Variants in KNSTRN observed in about 807,000 individuals in gnomAD.
The protein encoded by KNSTRN is kinetochore localized astrin (SPAG5) binding protein, also known as small kinetochore-associated protein.
KNSTRN carries 38 observed loss-of-function variants against 44.7 expected under a neutral mutation model. The ratio of observed to expected loss-of-function variants is 0.85; its 90% CI spans 0.66 to 1.11. The LOEUF is 1.11. Ranked by LOEUF, KNSTRN falls within the 50% of genes most tolerant of loss-of-function variation. The pLI is 0.00. For missense variants in KNSTRN, 406 were observed against 375.8 expected, an observed-to-expected ratio of 1.08 and a Z score of -0.66; for synonymous variants, 158 against 148.1, an observed-to-expected ratio of 1.07 and a Z score of -0.48.
Position 40,393,658 on chromosome 15 carries a change from G to C in KNSTRN, c.*61G>C, listed in dbSNP as rs1595742013. 6.1e-6 allele frequency: 9 copies of C among 1,481,318 alleles called. No individual in the cohort carries two copies. Among genetic ancestry groups the C allele is most frequent in the Non-Finnish European group, 7.4e-6 (8 of 1,080,092 alleles). 91.8% of individuals were successfully genotyped at this position (1,481,318 alleles called of 1,614,324 possible). ...ATAAAATCTCAGAGGAAGCTACTTAGGACATCATCTTGGCCATGATCTTCT... is the reference window on the plus strand; with the variant it reads ...ATAAAATCTCAGAGGAAGCTACTTACGACATCATCTTGGCCATGATCTTCT... On this transcript the variant is annotated 3_prime_UTR_variant, in exon 9 of 9. Transcript: ENST00000249776.
At position 40,383,296 on chromosome 15, in the gene KNSTRN, C is replaced by G. The variant is rs1247560978; in HGVS notation, c.278C>G (p.Ser93Cys). ...ACAGTGTATAGCCTGCAGCCCCCCT[C>G]TGCGCTGAGCGGCGGCCAGCCGGCA... ...VKTVYSLQPP[S>C]ALSGGQPADT... The change falls in exon 2 of 9, where the codon TCT becomes TGT. Residue 93 changes from serine to cysteine, a missense_variant. Ser to Cys is a moderately radical substitution (Grantham distance 112). Transcript: ENST00000249776. The G allele has an allele frequency of 6.2e-7, 1 of 1,613,106 alleles. No homozygotes were observed. The highest frequency in any genetic ancestry group is 8.5e-7 in the Non-Finnish European group (1 of 1,179,400).
chr15:40,388,361 C>T (rs1889936178), intron 4 of KNSTRN, among the ~76,000 whole-genome samples: 1 of 152,234 alleles, frequency 6.6e-6, no homozygotes, highest in Non-Finnish European at 1.5e-5. Flanking sequence ...GCAGCAGGAA[C>T]ACGCTCTTAA....
chr15:40,382,806 T>G lies in KNSTRN; in HGVS notation c.-30T>G. The G allele has an allele frequency of 1.3e-6, 2 of 1,597,448 alleles. No homozygotes were observed. The highest frequency in any genetic ancestry group is 1.1e-5 in the South Asian group (1 of 89,614). On this transcript the variant is annotated 5_prime_UTR_variant, in exon 1 of 9. Transcript: ENST00000249776. ...TCCAACACCTTTCGCTAGGTCTGGCTCTGGCCTCTGAGCGAACCTTCCGTA... is the reference window on the plus strand; with the variant it reads ...TCCAACACCTTTCGCTAGGTCTGGCGCTGGCCTCTGAGCGAACCTTCCGTA...
intron 2 of KNSTRN, 172 bp downstream of exon 2, chr15:40,383,494 A>G (rs4924462): frequency 0.96 from 558,950 of 584,080 alleles, 267,626 homozygotes; most frequent in East Asian, 1. Context: ...TAAGGGAAGG[A>G]CCATGTGGTA....
In KNSTRN at chr15:40,386,493, G is replaced by A. The variant is rs993049803; in HGVS notation, c.436G>A (p.Gly146Arg). The A allele has an allele frequency of 1.3e-5, 21 of 1,613,456 alleles. No homozygotes were observed. In the African/African-American group the frequency reaches 2.5e-4, roughly 19 times the overall value. Residue 146 changes from glycine (G) to arginine (R), a missense_variant and splice_region_variant, in exon 3 of 9, where the codon GGG becomes AGG. Physicochemically the swap from Gly to Arg is moderately radical, Grantham distance 125. Coordinates refer to ENST00000249776, the MANE Select transcript of KNSTRN (RefSeq NM_033286.4). ...AATCACCAAACTGAGACGAGAGAAT[G>A]GGTGAGAACGGATCATTAGTATCCA... ...TKITKLRREN[G>R]QMKATDTATR...
intron 4 of KNSTRN, among the ~76,000 whole-genome samples, chr15:40,387,504 C>A (rs888534664): frequency 6.6e-6 from 1 of 152,078 alleles, no homozygotes; most frequent in Admixed American, 6.5e-5. Context: ...GAGGGTAAAG[C>A]CTTCAGGAGA....
intron 2 of KNSTRN, chr15:40,384,198 A>C (rs1055515148): frequency 2.1e-5 from 6 of 279,596 alleles, no homozygotes; most frequent in Admixed American, 1.5e-4. Flanking sequence ...ACGGTGAAGC[A>C]CCGTCTCTAC....
intron 2 of KNSTRN, chr15:40,384,510 C>G (rs1034996744): frequency 3.1e-5 from 14 of 455,622 alleles, no homozygotes; most frequent in African/African-American, 1.8e-4. Flanking sequence ...GCTGGAAGAA[C>G]TGGAGCCAGG....
At chr15:40,389,481 C>A (rs1889960692) in intron 4 of KNSTRN, 25 bp from the exon 5 acceptor site, 2 of 1,566,638 alleles carry the variant, frequency 1.3e-6, no homozygotes, top group Non-Finnish European at 1.8e-6. Flanking sequence ...TTTATCTTTT[C>A]ATGTAAGTAC....
Position 40,382,872 on chromosome 15 carries a change from T to G in KNSTRN, c.37T>G (p.Phe13Val), listed in dbSNP as rs777367353. 1 of 1,612,250 alleles carries G rather than the reference T, an allele frequency of 6.2e-7. No individual in the cohort carries two copies. The highest frequency in any genetic ancestry group is 8.5e-7 in the Non-Finnish European group (1 of 1,180,002). ...CGAAGCCCCGCCCCTGGACAGAGTTTTCCGTACAACATGGCTGTCTACAGA... is the reference window on the plus strand; with the variant it reads ...CGAAGCCCCGCCCCTGGACAGAGTTGTCCGTACAACATGGCTGTCTACAGA... ...APEAPPLDRV[F>V]RTTWLSTECD... is the part of the protein sequence containing the mutation. Residue 13 changes from phenylalanine (F) to valine (V), a missense_variant, in exon 1 of 9, where the codon TTC (phenylalanine) becomes GTC (valine). Coordinates refer to ENST00000249776, the MANE Select transcript of KNSTRN (RefSeq NM_033286.4).
Position 40,389,943 on chromosome 15 carries a change from C to G in KNSTRN, c.685+14C>G, listed in dbSNP as rs748399580. The G allele has an allele frequency of 1.9e-6, 3 of 1,602,444 alleles. No homozygotes were observed. The Admixed American group carries it at 5.0e-5, about 27-fold the overall frequency. On this transcript the variant is annotated intron_variant, in intron 6 of 8. Transcript: ENST00000249776. ...GCCTTGATCCAGGTAAGAGACAGCA[C>G]ACAGCTAGCCTCCTTTGAAGGAATT...
intron 2 of KNSTRN, chr15:40,384,989 T>G (rs1198169680): frequency 1.3e-5 from 2 of 152,566 alleles, no homozygotes; most frequent in Non-Finnish European, 2.9e-5. Flanking sequence ...ATGGAGTAGA[T>G]TTGTTATTGT....
chr15:40,384,296 C>T (rs1889866101), intron 2 of KNSTRN: 3 of 317,560 alleles, frequency 9.4e-6, no homozygotes, highest in Non-Finnish European at 1.9e-5. Flanking sequence ...ATGGCGTGAA[C>T]CCGGGAGGCG....
chr15:40,390,924 C>A (rs1049296559), intron 6 of KNSTRN, among the ~76,000 whole-genome samples: 2 of 152,002 alleles, frequency 1.3e-5, no homozygotes, highest in African/African-American at 2.4e-5. Flanking sequence ...CTAGGATATT[C>A]TTTATAGTCA....
intron 4 of KNSTRN, 171 bp from the exon 5 acceptor site, chr15:40,389,335 A>T: frequency 3.5e-6 from 2 of 574,696 alleles, no homozygotes; most frequent in Non-Finnish European, 6.3e-6. Context: ...ATTTTAGTAG[A>T]GACAGGGTTT....
Position 40,393,611 on chromosome 15 carries a change from G to A in KNSTRN, c.*14G>A, listed in dbSNP as rs189861256. 7.1e-5 allele frequency: 115 copies of A among 1,611,534 alleles called. No individual in the cohort carries two copies. In the East Asian group the frequency reaches 2.6e-3, roughly 36 times the overall value. On this transcript the variant is annotated 3_prime_UTR_variant, in exon 9 of 9. Transcript: ENST00000249776. ...TTAGAAATGTAAGAAGAAGCAAGTGGCCAGATGGCTCCCTCTTGGGCATAA... is the reference window on the plus strand; with the variant it reads ...TTAGAAATGTAAGAAGAAGCAAGTGACCAGATGGCTCCCTCTTGGGCATAA...
At chr15:40,391,783 T>C (rs772319595) in intron 7 of KNSTRN, 166 bp from the exon 8 acceptor site, 1 of 669,380 alleles carries the variant, frequency 1.5e-6, no homozygotes, top group Non-Finnish European at 2.6e-6. Context: ...AAACACATAA[T>C]AGGTAAACCT....
At position 40,386,380 on chromosome 15, in the gene KNSTRN, C is replaced by T; in HGVS notation, c.323C>T (p.Thr108Ile). The T allele has an allele frequency of 4.3e-6, 7 of 1,614,090 alleles. No homozygotes were observed. Among genetic ancestry groups the T allele is most frequent in the Non-Finnish European group, 5.9e-6 (7 of 1,180,006 alleles). Residue 108 changes from threonine (T) to isoleucine (I), a missense_variant, in exon 3 of 9, where the codon ACT (threonine) becomes ATT (isoleucine). Thr to Ile is a moderately conservative substitution (Grantham distance 89). Coordinates refer to ENST00000249776, the MANE Select transcript of KNSTRN (RefSeq NM_033286.4). Reference sequence around the variant, plus strand: ...TTTGCAGACACACAAACTCGGGCCACTTCTAAGAGTCTCTTACCTGTTAGG... The same window carrying T: ...TTTGCAGACACACAAACTCGGGCCATTTCTAAGAGTCTCTTACCTGTTAGG... Reference protein sequence around the residue: ...GQPADTQTRATSKSLLPVRSK... With the variant: ...GQPADTQTRAISKSLLPVRSK...
intron 2 of KNSTRN, chr15:40,384,242 C>CGGA (rs1473421877): frequency 3.6e-6 from 1 of 281,266 alleles, no homozygotes; most frequent in Admixed American, 4.9e-5. Flanking sequence ...GGCGTGGTGG[C>CGGA]GGGCGCCTGT....
Sources: allele counts gnomAD v4.1 joint callset (sites outside exome capture counted in the v4.1 genomes callset), GRCh38; gene constraint gnomAD v4.1.1; transcripts MANE v1.5; gene names NCBI Gene and HGNC (gene_info 2026-07-23, HGNC 2026-07-21).